Variants in GRM4 observed in about 807,000 individuals in gnomAD.
The protein encoded by GRM4 is glutamate metabotropic receptor 4, also known as metabotropic glutamate receptor 4.
In GRM4, 28 loss-of-function variants were observed where a neutral mutation model predicts 81.7. The observed-to-expected ratio is 0.34, with a 90% CI of 0.25 to 0.47. The LOEUF is 0.47. GRM4 is among the 20% of genes least tolerant of loss of function. GRM4 has a pLI of 1.00. For missense variants in GRM4, 948 were observed against 1,290.0 expected (o/e 0.73, Z 4.06); for synonymous variants, 488 against 528.8 (o/e 0.92, Z 1.06).
chr6:34,065,614 C>A (rs932906213), intron 3 of GRM4, among the ~76,000 whole-genome samples: 3 of 152,216 alleles, frequency 2.0e-5, no homozygotes, highest in African/African-American at 7.2e-5. Context: ...AGCCTCCTGC[C>A]AGGACCCCAG....
chr6:34,141,342 T>C lies in GRM4; in HGVS notation c.-364+4658A>G, dbSNP rs117659840. Among the ~76,000 whole-genome samples, 364 of 152,338 alleles carry C rather than the reference T, an allele frequency of 2.4e-3. 1 individual carries two copies. The highest frequency in any genetic ancestry group is 0.018 in the East Asian group (95 of 5,182). ...AGAGCCTTAGCTAGACACCACGGCCTGCCTGTCAGCATGGCTCGGCCCCAA... is the reference window on the plus strand; with the variant it reads ...AGAGCCTTAGCTAGACACCACGGCCCGCCTGTCAGCATGGCTCGGCCCCAA... On this transcript the variant is annotated intron_variant, in intron 1 of 10. Transcript: ENST00000538487.
chr6:34,092,238 G>GCCT lies in GRM4; in HGVS notation c.520-142_520-140dup. The GCCT allele has an allele frequency of 1.6e-6, 1 of 616,966 alleles. No individual in the cohort carries two copies. Among genetic ancestry groups the GCCT allele is most frequent in the Non-Finnish European group, 2.8e-6 (1 of 351,162 alleles). 38.2% of individuals were successfully genotyped at this position (616,966 alleles called of 1,614,324 possible). A position where few individuals can be genotyped will look rare whatever the true frequency, so the allele number is the denominator to read the frequency against. On this transcript the variant is annotated intron_variant, in intron 2 of 10. Coordinates refer to ENST00000538487, the MANE Select transcript of GRM4 (RefSeq NM_000841.4). The surrounding 1 kb of genome is among the most constrained non-coding windows in gnomAD (Gnocchi z 6.8). Reference sequence around the variant, plus strand: ...CAGCCCACCCCTCCCCATGGGCGATGCCTCCTCCTCCAGAAAGTCTCCCAA... The same window carrying GCCT: ...CAGCCCACCCCTCCCCATGGGCGATGCCTCCTCCTCCTCCAGAAAGTCTCCCAA...
At chr6:34,029,334 C>T (rs1014293433) in intron 9 of GRM4, among the ~76,000 whole-genome samples, 1 of 152,172 alleles carries the variant, frequency 6.6e-6, no homozygotes, top group African/African-American at 2.4e-5. Context: ...ACCCCCAGCT[C>T]TATGGGCCCC....
At chr6:34,104,874 G>A (rs376118961) in intron 2 of GRM4, among the ~76,000 whole-genome samples, 14 of 152,140 alleles carry the variant, frequency 9.2e-5, no homozygotes, top group East Asian at 3.9e-4. Flanking sequence ...CCAAAAGCCC[G>A]TTCTGCAAAA....
At chr6:34,083,509 A>G (rs1408676883) in intron 3 of GRM4, among the ~76,000 whole-genome samples, 1 of 152,166 alleles carries the variant, frequency 6.6e-6, no homozygotes, top group African/African-American at 2.4e-5. Context: ...TGCCAGGTCC[A>G]CTTAATTTCC....
intron 1 of GRM4, among the ~76,000 whole-genome samples, chr6:34,138,446 T>C (rs909747286): frequency 1.3e-5 from 2 of 152,224 alleles, no homozygotes; most frequent in Admixed American, 1.3e-4. Flanking sequence ...TTTCAATTCC[T>C]GAGCTGTTTA....
At chr6:34,076,641 G>GAA (rs1767327744) in intron 3 of GRM4, among the ~76,000 whole-genome samples, 1 of 151,854 alleles carries the variant, frequency 6.6e-6, no homozygotes, top group East Asian at 1.9e-4. Context: ...AGTGAGCACG[G>GAA]CAGCAGGGAC....
intron 3 of GRM4, among the ~76,000 whole-genome samples, chr6:34,075,019 C>CA (rs142901057): frequency 0.082 from 12,447 of 152,206 alleles, 1,085 homozygotes; most frequent in African/African-American, 0.21. Context: ...GCTTGCACAG[C>CA]GTCAGAGGCC....
intron 2 of GRM4, chr6:34,103,835 TG>T: frequency 7.0e-7 from 1 of 1,428,558 alleles, no homozygotes; most frequent in Non-Finnish European, 9.1e-7. Flanking sequence ...GGTGAAAGAC[TG>T]GGATGTGTCA....
upstream of GRM4, among the ~76,000 whole-genome samples, chr6:34,150,600 A>G (rs1771026184): frequency 6.6e-6 from 1 of 151,962 alleles, no homozygotes; most frequent in South Asian, 2.1e-4. Flanking sequence ...CTGAGAGATG[A>G]TGCTTCCTCT....
chr6:34,043,869 A>T (rs1488602276), intron 6 of GRM4, among the ~76,000 whole-genome samples: 1 of 152,154 alleles, frequency 6.6e-6, no homozygotes, highest in Non-Finnish European at 1.5e-5. Context: ...TGCTGCCCTT[A>T]CAGAGCATCC....
chr6:34,135,204 T>C (rs995216407), intron 1 of GRM4, among the ~76,000 whole-genome samples: 7 of 152,148 alleles, frequency 4.6e-5, no homozygotes, highest in African/African-American at 1.7e-4. Flanking sequence ...TCCCCCGTCA[T>C]TCCCCCTACA....
chr6:34,141,326 G>A (rs971343992), intron 1 of GRM4, among the ~76,000 whole-genome samples: 1 of 152,230 alleles, frequency 6.6e-6, no homozygotes, highest in Non-Finnish European at 1.5e-5. Flanking sequence ...GAGAGCCTTA[G>A]CTAGACACCA....
intron 5 of GRM4, 110 bp downstream of exon 5, chr6:34,058,864 A>G: frequency 1.2e-6 from 1 of 854,854 alleles, no homozygotes; most frequent in Non-Finnish European, 1.8e-6. Flanking sequence ...CAAGGAAGAG[A>G]AAAGGAAGGA....
In GRM4 at chr6:34,059,486, C is replaced by T. The variant is rs562636713; in HGVS notation, c.873-358G>A. 47 of 317,680 alleles carry T rather than the reference C, an allele frequency of 1.5e-4. No homozygotes were observed. Among genetic ancestry groups the T allele is most frequent in the South Asian group, 4.2e-4 (11 of 26,382 alleles). 19.7% of individuals were successfully genotyped at this position (317,680 alleles called of 1,614,324 possible). On this transcript the variant is annotated intron_variant, in intron 4 of 10. Transcript: ENST00000538487. This position sits in a 1 kb window ranked among gnomAD's most constrained non-coding sequence, Gnocchi z 5.7. ...CCCCACAACCACCTCTGCCCAGCCCCGGTCCCCTGAGACGCATGCCTTCCT... is the reference window on the plus strand; with the variant it reads ...CCCCACAACCACCTCTGCCCAGCCCTGGTCCCCTGAGACGCATGCCTTCCT...
At position 34,080,863 on chromosome 6, in the gene GRM4, C is replaced by T. The variant is rs61250644; in HGVS notation, c.736+11020G>A. 0.2 allele frequency among the ~76,000 whole-genome samples: 24,944 copies of T among 127,802 alleles called. 2,655 individuals are homozygous for T. Among genetic ancestry groups the T allele is most frequent in the African/African-American group, 0.34 (12,108 of 35,844 alleles). The allele number at this position is 127,802 out of a possible 152,430, so 83.8% of individuals were successfully genotyped here. A position where few individuals can be genotyped will look rare whatever the true frequency, so the allele number is the denominator to read the frequency against. Reference sequence around the variant, plus strand: ...ACACACACATACACACACACATACACATACATATACACACACACACACACA... The same window carrying T: ...ACACACACATACACACACACATACATATACATATACACACACACACACACA... On this transcript the variant is annotated intron_variant, in intron 3 of 10. Coordinates refer to ENST00000538487, the MANE Select transcript of GRM4 (RefSeq NM_000841.4). The surrounding 1 kb of genome is among the most constrained non-coding windows in gnomAD (Gnocchi z 5.4).
intron 3 of GRM4, among the ~76,000 whole-genome samples, chr6:34,065,638 T>C (rs1434734015): frequency 6.6e-6 from 1 of 151,544 alleles, no homozygotes; most frequent in Non-Finnish European, 1.5e-5. Flanking sequence ...CCCAGGCTCC[T>C]GACAAACACC....
rs754654198 is a variant in GRM4, at chr6:34,133,123, G to A, written c.374C>T (p.Ala125Val). Residue 125 changes from alanine (A) to valine (V), a missense_variant, in exon 2 of 11, where the codon GCG (alanine) becomes GTG (valine). Physicochemically the swap from Ala to Val is moderately conservative, Grantham distance 64. Coordinates refer to ENST00000538487, the MANE Select transcript of GRM4 (RefSeq NM_000841.4). This position sits in a 1 kb window ranked among gnomAD's most constrained non-coding sequence, Gnocchi z 6.5. ...CTCTGTGCCATCCTTCTCGATGAGC[G>A]CCTGCACAAAGGTCAGCGACTGCTC... ...ALEQSLTFVQ[A>V]LIEKDGTEVR... The A allele has an allele frequency of 4.5e-5, 73 of 1,613,940 alleles. No homozygotes were observed. Among genetic ancestry groups the A allele is most frequent in the Non-Finnish European group, 5.8e-5 (69 of 1,179,882 alleles).
chr6:34,057,453 G>A (rs1199629915), intron 5 of GRM4, among the ~76,000 whole-genome samples: 1 of 152,228 alleles, frequency 6.6e-6, no homozygotes, highest in Non-Finnish European at 1.5e-5. Context: ...TCGAGCAGGA[G>A]GTTTGGCCTG....
Sources: gnomAD v4.1 joint callset for allele counts (sites outside exome capture counted in the v4.1 genomes callset) on GRCh38, gnomAD v4.1.1 for gene constraint, Gnocchi (gnomAD v3.1) non-coding constraint, MANE v1.5 for transcripts, NCBI Gene and HGNC (gene_info 2026-07-23, HGNC 2026-07-21) for gene names.